The following DEAF1 variants were observed in gnomAD, a reference collection of about 807,000 sequenced individuals.
DEAF1 encodes DEAF1 transcription factor, also known as deformed epidermal autoregulatory factor 1 homolog.
Under a neutral mutation model 58.9 loss-of-function variants are expected in DEAF1, and 53 were observed. The observed-to-expected ratio is 0.90, with a 90% CI of 0.72 to 1.13. DEAF1 has a LOEUF of 1.13. Ranked by LOEUF, DEAF1 falls within the 50% of genes most tolerant of loss-of-function variation. The probability of loss-of-function intolerance (pLI) is 0.00; values close to 1 mark genes in which losing one functional copy is unlikely to be tolerated. For synonymous variants in DEAF1, 385 were observed against 340.4 expected (o/e 1.13, Z -1.44); for missense variants, 685 against 791.4 (o/e 0.87, Z 1.61).
intron 1 of DEAF1, among the ~76,000 whole-genome samples, chr11:702,625 G>A (rs1564963636): frequency 2.6e-5 from 4 of 152,236 alleles, no homozygotes; most frequent in Admixed American, 2.0e-4. Flanking sequence ...TTAGGAAAAC[G>A]TGGCAGATGC....
chr11:680,199 G>C (rs1478816387), intron 7 of DEAF1: 2 of 313,470 alleles, frequency 6.4e-6, no homozygotes, highest in Non-Finnish European at 1.2e-5. Flanking sequence ...CCACAGCAAG[G>C]CTGCCCTGTG....
chr11:691,449 GC>G (rs1006670567), intron 2 of DEAF1, 51 bp downstream of exon 2: 2 of 1,543,624 alleles, frequency 1.3e-6, no homozygotes, highest in Admixed American at 1.7e-5. Flanking sequence ...GAAGCCGGAG[GC>G]CCCCAGCGTG....
At chr11:700,990 C>G (rs1009310294) in intron 1 of DEAF1, 10 of 458,104 alleles carry the variant, frequency 2.2e-5, no homozygotes, top group African/African-American at 1.6e-4. Flanking sequence ...TCAGAAAAGC[C>G]CAGCCCACCA....
At chr11:674,819 T>TA in intron 9 of DEAF1, 36 bp from the exon 10 acceptor site, 1 of 1,604,346 alleles carries the variant, frequency 6.2e-7, no homozygotes, top group Non-Finnish European at 8.5e-7. Flanking sequence ...ACCAAGAAAT[T>TA]AATACATCTC....
chr11:644,401 A>C lies in DEAF1; in HGVS notation c.*149T>G. The C allele has an allele frequency of 1.4e-6, 1 of 703,652 alleles. No individual in the cohort carries two copies. The highest frequency in any genetic ancestry group is 1.5e-5 in the South Asian group (1 of 65,518). The allele number at this position is 703,652 out of a possible 1,614,324, so 43.6% of individuals were successfully genotyped here. On this transcript the variant is annotated 3_prime_UTR_variant, in exon 12 of 12. Transcript: ENST00000382409. The surrounding 1 kb of genome is among the most constrained non-coding windows in gnomAD (Gnocchi z 4.3). ...CGCTTCCCAGGGCACCATTCGCTTA[A>C]AGTGTGTTAATGACTTGTCCAGCAA...
Position 644,717 on chromosome 11 carries a change from C to A in DEAF1, c.1594-63G>T. ...GGGTGGAGCAGGGTCTGGGCAGGGT[C>A]CCCAAGGCAGACCCCAGAGGGTGCA... On this transcript the variant is annotated intron_variant, in intron 11 of 11. Coordinates refer to ENST00000382409, the MANE Select transcript of DEAF1 (RefSeq NM_021008.4). This position sits in a 1 kb window ranked among gnomAD's most constrained non-coding sequence, Gnocchi z 4.3. 1 of 1,349,706 alleles carries A rather than the reference C, an allele frequency of 7.4e-7. No homozygotes were observed. Among genetic ancestry groups the A allele is most frequent in the Non-Finnish European group, 1.0e-6 (1 of 970,292 alleles). 83.6% of individuals were successfully genotyped at this position (1,349,706 alleles called of 1,614,324 possible).
intron 10 of DEAF1, among the ~76,000 whole-genome samples, chr11:663,391 T>A (rs1859397374): frequency 6.6e-6 from 1 of 152,166 alleles, no homozygotes; most frequent in Non-Finnish European, 1.5e-5. Context: ...GAGGTTGCAG[T>A]GAGCCGAGAT....
chr11:681,826 C>T (rs993372003), intron 6 of DEAF1, among the ~76,000 whole-genome samples: 21 of 152,168 alleles, frequency 1.4e-4, no homozygotes, highest in Non-Finnish European at 2.8e-4. Flanking sequence ...TCTGAACATA[C>T]TGAGGATAGC....
intron 10 of DEAF1, among the ~76,000 whole-genome samples, chr11:670,782 T>TC (rs1564937045): frequency 7.1e-6 from 1 of 141,458 alleles, no homozygotes; most frequent in Non-Finnish European, 1.6e-5. Flanking sequence ...TTTTTGTTTT[T>TC]TTTTTTTTTT....
chr11:663,609 C>T (rs1243671633), intron 10 of DEAF1, among the ~76,000 whole-genome samples: 1 of 152,082 alleles, frequency 6.6e-6, no homozygotes, highest in Non-Finnish European at 1.5e-5. Flanking sequence ...TTGGCCTTTC[C>T]TCCTCCATCT....
chr11:674,788 A>G lies in DEAF1; in HGVS notation c.1256-5T>C, dbSNP rs777850157. The stretch of plus-strand genomic sequence containing the variant: ...GCGCAGGCAGGGATGTCAACACTAG[A>G]GCATTTGGAAAGCAAAACAAACCAA... On this transcript the variant is annotated splice_region_variant and splice_polypyrimidine_tract_variant and intron_variant, in intron 9 of 11. Coordinates refer to ENST00000382409, the MANE Select transcript of DEAF1 (RefSeq NM_021008.4). 6 of 1,610,332 alleles carry G rather than the reference A, an allele frequency of 3.7e-6. No individual in the cohort carries two copies. In the South Asian group the frequency reaches 6.6e-5, roughly 18 times the overall value.
intron 11 of DEAF1, among the ~76,000 whole-genome samples, chr11:645,849 T>C (rs1858467914): frequency 6.6e-6 from 1 of 152,202 alleles, no homozygotes; most frequent in Non-Finnish European, 1.5e-5. Context: ...GGCAGCTCCG[T>C]GCACGGGGGC....
chr11:689,334 T>C (rs908002833), intron 2 of DEAF1, among the ~76,000 whole-genome samples: 1 of 150,856 alleles, frequency 6.6e-6, no homozygotes, highest in Admixed American at 6.6e-5. Context: ...GCCTCCTAAG[T>C]AGCTGGGACT....
intron 5 of DEAF1, among the ~76,000 whole-genome samples, chr11:686,292 A>C (rs1467060512): frequency 2.5e-5 from 1 of 39,616 alleles, no homozygotes; most frequent in African/African-American, 5.1e-5. Context: ...ACTCTGTCTC[A>C]AAAAAAAAAA....
intron 10 of DEAF1, among the ~76,000 whole-genome samples, chr11:663,686 C>A (rs1859410678): frequency 6.6e-6 from 1 of 152,082 alleles, no homozygotes; most frequent in Non-Finnish European, 1.5e-5. Flanking sequence ...TCCTCAGCGA[C>A]TGCCTCTGAA....
chr11:670,764 T>G (rs200669456), intron 10 of DEAF1, among the ~76,000 whole-genome samples: 1 of 81,718 alleles, frequency 1.2e-5, no homozygotes, highest in African/African-American at 4.7e-5. Flanking sequence ...ATTTCTTTTT[T>G]CTTTTTGTTT....
intron 10 of DEAF1, among the ~76,000 whole-genome samples, chr11:660,560 G>A (rs1414398584): frequency 6.6e-6 from 1 of 152,220 alleles, no homozygotes; most frequent in Admixed American, 6.5e-5. Context: ...GGGCTTCCAC[G>A]CTGCTGGGGG....
At chr11:650,373 C>CAAAA (rs796351710) in intron 11 of DEAF1, among the ~76,000 whole-genome samples, 582 of 22,246 alleles carry the variant, frequency 0.026, 183 homozygotes, top group African/African-American at 0.095. Context: ...CAGTCCGTCT[C>CAAAA]AAAAAAAAAA....
intron 1 of DEAF1, among the ~76,000 whole-genome samples, chr11:702,188 C>T (rs1031414488): frequency 2.0e-5 from 3 of 152,170 alleles, no homozygotes; most frequent in African/African-American, 4.8e-5. Context: ...AGGATGGAGG[C>T]GAGTTCTCTC....
Sources: gnomAD v4.1 joint callset for allele counts (sites outside exome capture counted in the v4.1 genomes callset) on GRCh38, gnomAD v4.1.1 for gene constraint, Gnocchi (gnomAD v3.1) non-coding constraint, MANE v1.5 for transcripts, NCBI Gene and HGNC (gene_info 2026-07-23, HGNC 2026-07-21) for gene names.